The following RPTOR variants were observed in gnomAD, a reference collection of about 807,000 sequenced individuals.
The protein encoded by RPTOR is regulatory associated protein of MTOR complex 1.
In RPTOR, 21 loss-of-function variants were observed where a neutral mutation model predicts 169.9. The observed-to-expected ratio is 0.12, with a 90% CI of 0.09 to 0.18. The LOEUF (loss-of-function observed/expected upper bound fraction) is 0.18, where lower values mean the gene tolerates loss of function less well. Among genes scored for constraint, RPTOR ranks in the 10% least tolerant of loss-of-function variants. The pLI is 1.00. For missense variants in RPTOR, 1,133 were observed against 1,855.9 expected (o/e 0.61, Z 7.16); for synonymous variants, 732 against 753.2 (o/e 0.97, Z 0.46).
At chr17:80,585,440 A>G (rs1340464262) in intron 1 of RPTOR, among the ~76,000 whole-genome samples, 1 of 152,122 alleles carries the variant, frequency 6.6e-6, no homozygotes, top group African/African-American at 2.4e-5. Context: ...TCCTGACCTC[A>G]TGATCCATCC....
chr17:80,618,308 A>G (rs1238884767), intron 1 of RPTOR, among the ~76,000 whole-genome samples: 2 of 152,216 alleles, frequency 1.3e-5, no homozygotes, highest in African/African-American at 2.4e-5. Context: ...AGTTTCTATA[A>G]TAAACTTTTT....
At chr17:80,849,103 C>G (rs1412761688) in intron 11 of RPTOR, among the ~76,000 whole-genome samples, 1 of 152,120 alleles carries the variant, frequency 6.6e-6, no homozygotes, top group Non-Finnish European at 1.5e-5. Context: ...TGACGTACCC[C>G]CCGGGAGTGG....
chr17:80,760,690 C>T (rs988438457), intron 6 of RPTOR, among the ~76,000 whole-genome samples: 2 of 152,216 alleles, frequency 1.3e-5, no homozygotes, highest in African/African-American at 4.8e-5. Context: ...GAAAAGGGAA[C>T]TAGGATTGGG....
chr17:80,623,635 A>C (rs2065371852), intron 1 of RPTOR, among the ~76,000 whole-genome samples: 1 of 151,952 alleles, frequency 6.6e-6, no homozygotes, highest in African/African-American at 2.4e-5. Flanking sequence ...TCCCAGGTTC[A>C]AGTGATTCTC....
At chr17:80,935,983 T>C (rs1271414880) in intron 24 of RPTOR, among the ~76,000 whole-genome samples, 1 of 152,196 alleles carries the variant, frequency 6.6e-6, no homozygotes, top group Non-Finnish European at 1.5e-5. Context: ...GTGGCTGTTA[T>C]ACATAACCCT....
chr17:80,702,213 C>T (rs1357694941), intron 3 of RPTOR, among the ~76,000 whole-genome samples: 1 of 152,046 alleles, frequency 6.6e-6, no homozygotes, highest in African/African-American at 2.4e-5. Context: ...TTCATTAAAC[C>T]AAGGGCCCAT....
rs2066156549 is a variant in RPTOR, at chr17:80,708,291, T to G, written c.507+292T>G. ...ATTCTCCGAGGACAGACCTCGAGAG[T>G]GTCTGCCTTCTAGTTTGAAAAAATT... On this transcript the variant is annotated intron_variant, in intron 4 of 33. Transcript: ENST00000306801. The surrounding 1 kb of genome is among the most constrained non-coding windows in gnomAD (Gnocchi z 4.2). 6.6e-6 allele frequency among the ~76,000 whole-genome samples: 1 copy of G among 152,152 alleles called. No homozygotes were observed. The highest frequency in any genetic ancestry group is 6.5e-5 in the Admixed American group (1 of 15,272).
chr17:80,574,773 A>T (rs1372066102), intron 1 of RPTOR, among the ~76,000 whole-genome samples: 1 of 150,380 alleles, frequency 6.6e-6, no homozygotes, highest in Non-Finnish European at 1.5e-5. Context: ...TTCCCCGCTT[A>T]GCCTCCCAAG....
At chr17:80,716,167 A>G (rs113663423) in intron 4 of RPTOR, among the ~76,000 whole-genome samples, 1 of 152,218 alleles carries the variant, frequency 6.6e-6, no homozygotes, top group African/African-American at 2.4e-5. Flanking sequence ...TGGCTGTACC[A>G]GTTTACATTC....
chr17:80,650,902 T>C (rs62069681), intron 3 of RPTOR, among the ~76,000 whole-genome samples: 8,318 of 152,242 alleles, frequency 0.055, 292 homozygotes, highest in Non-Finnish European at 0.082. Flanking sequence ...CTACTTGAAG[T>C]GTAATACTTT....
At chr17:80,963,791 CCTCTGCGGCCCTCACCCCGTCCG>C (rs1376140781) in intron 33 of RPTOR, among the ~76,000 whole-genome samples, 9 of 120,228 alleles carry the variant, frequency 7.5e-5, no homozygotes, top group South Asian at 2.6e-4. Context: ...CACCCCGTCC[CCTCTGCGGCCCTCACCCCGTCCG>C]CTGTGCGGCC....
intron 3 of RPTOR, among the ~76,000 whole-genome samples, chr17:80,687,523 G>A (rs9901366): frequency 0.09 from 13,717 of 152,276 alleles, 701 homozygotes; most frequent in African/African-American, 0.14. Flanking sequence ...GGACTCATTC[G>A]GTGAGTGGGT....
chr17:80,708,215 G>A lies in RPTOR; in HGVS notation c.507+216G>A, dbSNP rs1008403784. On this transcript the variant is annotated intron_variant, in intron 4 of 33. Transcript: ENST00000306801. The surrounding 1 kb of genome is among the most constrained non-coding windows in gnomAD (Gnocchi z 4.2). ...GTGTTCATGGAATGACTGCCTTGAA[G>A]TGTGGTGCGTGTGGTTTATGTTCCC... is the stretch of plus-strand genomic sequence containing the variant. Among the ~76,000 whole-genome samples the A allele has an allele frequency of 6.6e-6, 1 of 152,236 alleles. No homozygotes were observed. The highest frequency in any genetic ancestry group is 2.4e-5 in the African/African-American group (1 of 41,458).
intron 7 of RPTOR, among the ~76,000 whole-genome samples, chr17:80,797,315 G>A (rs182661291): frequency 9.9e-5 from 15 of 152,212 alleles, no homozygotes; most frequent in Admixed American, 7.9e-4. Context: ...ATTTTGGGTT[G>A]TTTGGTTTTT....
chr17:80,637,546 C>T (rs1453287338), intron 2 of RPTOR, among the ~76,000 whole-genome samples: 1 of 152,162 alleles, frequency 6.6e-6, no homozygotes, highest in Non-Finnish European at 1.5e-5. Flanking sequence ...GTTTTATGGC[C>T]CGACATTAAA....
At chr17:80,859,579 G>A (rs930270749) in intron 13 of RPTOR, among the ~76,000 whole-genome samples, 7 of 152,346 alleles carry the variant, frequency 4.6e-5, no homozygotes, top group South Asian at 2.1e-4. Context: ...TGAGGAGAGC[G>A]GGACGGAGGA....
intron 16 of RPTOR, 85 bp from the exon 17 acceptor site, chr17:80,884,923 C>T: frequency 6.6e-7 from 1 of 1,507,556 alleles, no homozygotes; most frequent in Non-Finnish European, 8.9e-7. Context: ...GGGTTGGATT[C>T]ACCTGCACAC....
rs56726375 is a variant in RPTOR, at chr17:80,903,562, T to G, written c.2402-5249T>G. On this transcript the variant is annotated intron_variant, in intron 20 of 33. Transcript: ENST00000306801. ...TCTCCCTTGGTTTATTTTTTAATGT[T>G]TCTTAAAGACGGGGTTTCGCTGTGT... Among the ~76,000 whole-genome samples the G allele has an allele frequency of 2.9e-3, 442 of 152,328 alleles. 5 individuals are homozygous for G. The highest frequency in any genetic ancestry group is 9.7e-3 in the African/African-American group (403 of 41,572).
Position 80,744,082 on chromosome 17 carries a change from C to CTA in RPTOR, c.655-9928_655-9927insTA, listed in dbSNP as rs1567888090. 1.7e-4 allele frequency among the ~76,000 whole-genome samples: 19 copies of CTA among 110,616 alleles called. 8 individuals are homozygous for CTA. The highest frequency in any genetic ancestry group is 1.4e-4 in the Non-Finnish European group (7 of 49,022). The allele number at this position is 110,616 out of a possible 152,430, so 72.6% of individuals were successfully genotyped here. ...CTGGCTACTAGCACTGTCCTGGTTACGAGCACAGCCCTGGTTACTAGCACA... is the reference window on the plus strand; with the variant it reads ...CTGGCTACTAGCACTGTCCTGGTTACTAGAGCACAGCCCTGGTTACTAGCACA... On this transcript the variant is annotated intron_variant, in intron 5 of 33. Coordinates refer to ENST00000306801, the MANE Select transcript of RPTOR (RefSeq NM_020761.3).
Sources: gnomAD v4.1 joint callset for allele counts (sites outside exome capture counted in the v4.1 genomes callset) on GRCh38, gnomAD v4.1.1 for gene constraint, Gnocchi (gnomAD v3.1) non-coding constraint, MANE v1.5 for transcripts, NCBI Gene and HGNC (gene_info 2026-07-23, HGNC 2026-07-21) for gene names.